The following MSH3 variants were observed in gnomAD, a reference collection of about 807,000 sequenced individuals.
The protein encoded by MSH3 is mutS homolog 3.
A neutral mutation model predicts 123.3 loss-of-function variants in MSH3; 106 were observed. That is an observed-to-expected ratio of 0.86 (90% CI 0.73 to 1.01). MSH3 has a LOEUF of 1.01. Among genes scored for constraint, MSH3 ranks in the 50% least tolerant of loss-of-function variants. The pLI is 0.00. For synonymous variants in MSH3, 515 were observed against 481.4 expected, an observed-to-expected ratio of 1.07 and a Z score of -0.91; for missense variants, 1,459 against 1,347.6, an observed-to-expected ratio of 1.08 and a Z score of -1.29.
Position 80,678,991 on chromosome 5 carries a change from A to G in MSH3, c.1238A>G (p.Glu413Gly), listed in dbSNP as rs752223122. Residue 413 changes from glutamate (E) to glycine (G), a missense_variant, in exon 8 of 24, where the codon GAG (glutamate) becomes GGG (glycine). Physicochemically the swap from Glu to Gly is moderately conservative, Grantham distance 98. Coordinates refer to ENST00000265081, the MANE Select transcript of MSH3 (RefSeq NM_002439.5). ...TTCCAGGACTCTGCTTCTCGTTCAG[A>G]GCTAGAAACCCGGATGTCAAGCCTG... ...DSFQDSASRS[E>G]LETRMSSLQP... The G allele has an allele frequency of 1.2e-6, 2 of 1,614,132 alleles. No individual in the cohort carries two copies. Among genetic ancestry groups the G allele is most frequent in the Non-Finnish European group, 1.7e-6 (2 of 1,180,020 alleles).
chr5:80,851,261 A>G (rs993265658), intron 20 of MSH3, among the ~76,000 whole-genome samples: 1 of 152,164 alleles, frequency 6.6e-6, no homozygotes, highest in Non-Finnish European at 1.5e-5. Context: ...TCTAATAGAC[A>G]TTGCTAAATT....
chr5:80,844,722 C>T (rs1745689442), intron 20 of MSH3, among the ~76,000 whole-genome samples: 1 of 83,682 alleles, frequency 1.2e-5, no homozygotes. Context: ...GGATTGCAAC[C>T]CCTGCTTTTT....
chr5:80,728,828 A>G (rs1035933200), intron 9 of MSH3, 23 bp from the exon 10 acceptor site: 2 of 1,211,016 alleles, frequency 1.7e-6, no homozygotes, highest in Admixed American at 3.4e-5. Context: ...TTTTATAACA[A>G]GTTAATATAT....
chr5:80,654,913 G>GCCCGCAGCC lies in MSH3; in HGVS notation c.189_190insGCAGCCCCC (p.Ala61_Pro63dup). On this transcript the variant is annotated inframe_insertion, in exon 1 of 24. Transcript: ENST00000265081. Reference sequence around the variant, plus strand: ...CTGCAGCGGCCGCAGCGGCCGCAGCGCCCCCAGCGCCCCCAGCTCCCGCCT... The same window carrying GCCCGCAGCC: ...CTGCAGCGGCCGCAGCGGCCGCAGCGCCCGCAGCCCCCCCAGCGCCCCCAGCTCCCGCCT... 6.7e-7 allele frequency: 1 copy of GCCCGCAGCC among 1,499,596 alleles called. No homozygotes were observed. Among genetic ancestry groups the GCCCGCAGCC allele is most frequent in the Non-Finnish European group, 8.8e-7 (1 of 1,131,982 alleles). The allele number at this position is 1,499,596 out of a possible 1,614,324, so 92.9% of individuals were successfully genotyped here. A position where few individuals can be genotyped will look rare whatever the true frequency, so the allele number is the denominator to read the frequency against.
At position 80,728,806 on chromosome 5, in the gene MSH3, A is replaced by G. The variant is rs766899889; in HGVS notation, c.1454-45A>G. The G allele has an allele frequency of 2.9e-6, 3 of 1,050,342 alleles. No homozygotes were observed. The South Asian group carries it at 4.1e-5, about 14-fold the overall frequency. The allele number at this position is 1,050,342 out of a possible 1,614,324, so 65.1% of individuals were successfully genotyped here. A position where few individuals can be genotyped will look rare whatever the true frequency, so the allele number is the denominator to read the frequency against. The stretch of plus-strand genomic sequence containing the variant: ...TTTATTACATTTTTTAATTTGATTA[A>G]TTTAAAAGAATTTTTATAACAAGTT... On this transcript the variant is annotated intron_variant, in intron 9 of 23. Coordinates refer to ENST00000265081, the MANE Select transcript of MSH3 (RefSeq NM_002439.5).
chr5:80,867,512 A>G (rs981074374), intron 22 of MSH3, among the ~76,000 whole-genome samples: 4 of 152,206 alleles, frequency 2.6e-5, no homozygotes, highest in Non-Finnish European at 5.9e-5. Flanking sequence ...TGATGGGCCT[A>G]GATGAATCAG....
chr5:80,730,877 C>CATAT (rs35595321), intron 10 of MSH3, among the ~76,000 whole-genome samples: 2,945 of 130,896 alleles, frequency 0.022, 80 homozygotes, highest in African/African-American at 0.063. Context: ...GTGTCCTCCT[C>CATAT]ATATATATAT....
chr5:80,692,807 G>A (rs1238908827), intron 8 of MSH3, among the ~76,000 whole-genome samples: 2 of 121,952 alleles, frequency 1.6e-5, no homozygotes, highest in Non-Finnish European at 1.8e-5. Context: ...ACATGTATAT[G>A]TTTAGATAAA....
intron 18 of MSH3, among the ~76,000 whole-genome samples, chr5:80,792,115 T>C (rs1744616360): frequency 6.6e-6 from 1 of 152,200 alleles, no homozygotes; most frequent in Non-Finnish European, 1.5e-5. Context: ...ATATTAATAA[T>C]TACATCTAGA....
intron 21 of MSH3, among the ~76,000 whole-genome samples, chr5:80,859,713 T>TC (rs201266691): frequency 6.6e-4 from 69 of 105,300 alleles, no homozygotes; most frequent in South Asian, 1.9e-3. Context: ...ATTTTCTCTC[T>TC]TTTTTTTTTT....
intron 20 of MSH3, among the ~76,000 whole-genome samples, chr5:80,820,409 A>G (rs948359519): frequency 1.3e-5 from 2 of 152,204 alleles, no homozygotes; most frequent in Non-Finnish European, 1.5e-5. Flanking sequence ...ATTGGGTCCC[A>G]TTGGTTACAG....
intron 11 of MSH3, 62 bp from the exon 12 acceptor site, chr5:80,744,444 A>G (rs1038161497): frequency 7.5e-6 from 9 of 1,203,088 alleles, no homozygotes; most frequent in African/African-American, 1.5e-5. Flanking sequence ...GGGGTATATG[A>G]AATAACAATT....
At chr5:80,848,489 G>A (rs1430555816) in intron 20 of MSH3, among the ~76,000 whole-genome samples, 5 of 152,094 alleles carry the variant, frequency 3.3e-5, no homozygotes, top group Non-Finnish European at 7.3e-5. Flanking sequence ...AGACATACCC[G>A]AGACTGGGCA....
In MSH3 at chr5:80,654,870, A is replaced by C. The variant is rs773388641; in HGVS notation, c.143A>C (p.Asp48Ala). 1.6e-5 allele frequency: 25 copies of C among 1,568,090 alleles called. No homozygotes were observed. In the Admixed American group the frequency reaches 1.7e-4, roughly 11 times the overall value. Residue 48 changes from aspartate to alanine, a missense_variant, in exon 1 of 24, where the codon GAC (aspartate) becomes GCC (alanine). Coordinates refer to ENST00000265081, the MANE Select transcript of MSH3 (RefSeq NM_002439.5). Reference sequence around the variant, plus strand: ...TCCACAGGTGCAGCCGACCAGGTGGACCCTGGCGCTGCAGCGGCTGCAGCG... The same window carrying C: ...TCCACAGGTGCAGCCGACCAGGTGGCCCCTGGCGCTGCAGCGGCTGCAGCG... ...SSSTGAADQVDPGAAAAAAAA... is the reference protein window; with the variant it reads ...SSSTGAADQVAPGAAAAAAAA...
rs767112749 is a variant in MSH3 at position 80,854,259 on chromosome 5, G to C, written c.2943G>C (p.Thr981=). The C allele has an allele frequency of 3.7e-6, 6 of 1,613,928 alleles. No homozygotes were observed. The stretch of plus-strand genomic sequence containing the variant: ...TCTTGGATGAACTAGGAAGAGGGAC[G>C]AGCACTCATGATGGAATTGCCATTG... ...LVILDELGRG[T]STHDGIAIAY... Residue 981 remains threonine (T), a synonymous_variant, in exon 21 of 24, where the codon ACG becomes ACC. Coordinates refer to ENST00000265081, the MANE Select transcript of MSH3 (RefSeq NM_002439.5).
Position 80,786,393 on chromosome 5 carries a change from A to C in MSH3, c.2436-1172A>C, listed in dbSNP as rs1377640803. Reference sequence around the variant, plus strand: ...ACCTACCTTTATGGTTGTTGTAAAGAATATGTAGTGGCTTCTTCGTAGTCT... The same window carrying C: ...ACCTACCTTTATGGTTGTTGTAAAGCATATGTAGTGGCTTCTTCGTAGTCT... On this transcript the variant is annotated intron_variant, in intron 17 of 23. Coordinates refer to ENST00000265081, the MANE Select transcript of MSH3 (RefSeq NM_002439.5). 2.0e-5 allele frequency among the ~76,000 whole-genome samples: 3 copies of C among 152,168 alleles called. No homozygotes were observed. The East Asian group carries it at 5.8e-4, about 29-fold the overall frequency.
chr5:80,724,494 G>C (rs1462493906), intron 8 of MSH3, among the ~76,000 whole-genome samples: 2 of 152,124 alleles, frequency 1.3e-5, no homozygotes, highest in African/African-American at 2.4e-5. Flanking sequence ...ATGGGAGTGA[G>C]ATGATAAAGA....
At chr5:80,873,525 G>A (rs1412367286) in intron 23 of MSH3, among the ~76,000 whole-genome samples, 1 of 152,078 alleles carries the variant, frequency 6.6e-6, no homozygotes, top group Non-Finnish European at 1.5e-5. Context: ...TTTTTATAAA[G>A]AATTAAGTTA....
intron 3 of MSH3, among the ~76,000 whole-genome samples, chr5:80,669,392 C>G (rs1001014869): frequency 6.6e-6 from 1 of 152,114 alleles, no homozygotes; most frequent in Non-Finnish European, 1.5e-5. Flanking sequence ...ATTTAGCCAA[C>G]TATAAATTTG....
Sources: gnomAD v4.1 joint callset for allele counts (sites outside exome capture counted in the v4.1 genomes callset) on GRCh38, gnomAD v4.1.1 for gene constraint, MANE v1.5 for transcripts, NCBI Gene and HGNC (gene_info 2026-07-23, HGNC 2026-07-21) for gene names.